The following TES variants were observed in gnomAD, a reference collection of about 807,000 sequenced individuals.
The protein encoded by TES is testin.
A neutral mutation model predicts 48.2 loss-of-function variants in TES; 41 were observed. The observed-to-expected ratio is 0.85, with a 90% CI of 0.66 to 1.10. The LOEUF (loss-of-function observed/expected upper bound fraction) is 1.10, where lower values mean the gene tolerates loss of function less well. TES is among the 50% of genes least tolerant of loss of function. TES has a pLI of 0.00. For missense variants in TES, 463 were observed against 515.1 expected, an observed-to-expected ratio of 0.90 and a Z score of 0.98; for synonymous variants, 162 against 174.9, an observed-to-expected ratio of 0.93 and a Z score of 0.58.
chr7:116,238,466 T>G (rs1044656955), intron 2 of TES: 2 of 149,882 alleles, frequency 1.3e-5, no homozygotes, highest in Admixed American at 1.3e-4. Context: ...ATAATATAAT[T>G]TGTGAATGAT....
chr7:116,254,121 T>C (rs1471236396), intron 6 of TES, among the ~76,000 whole-genome samples: 2 of 152,186 alleles, frequency 1.3e-5, no homozygotes, highest in Admixed American at 6.5e-5. Flanking sequence ...ATGAATATTG[T>C]TGCAACAGTT....
chr7:116,222,863 G>A (rs967622189), intron 1 of TES: 4 of 493,288 alleles, frequency 8.1e-6, no homozygotes, highest in African/African-American at 2.1e-5. Flanking sequence ...GTCTTTCAGC[G>A]GAGCCAGAGC....
intron 2 of TES, 31 bp downstream of exon 2, chr7:116,234,650 T>C (rs767359335): frequency 6.4e-7 from 1 of 1,565,212 alleles, no homozygotes; most frequent in Non-Finnish European, 8.8e-7. Context: ...ACCACATTAG[T>C]AATTTATACT....
chr7:116,230,111 G>GA (rs1273962199), intron 1 of TES, among the ~76,000 whole-genome samples: 2 of 152,124 alleles, frequency 1.3e-5, no homozygotes, highest in Non-Finnish European at 2.9e-5. Context: ...AAGTGATTTT[G>GA]AAAACTTGGT....
chr7:116,236,649 G>C (rs557802090), intron 2 of TES, among the ~76,000 whole-genome samples: 1 of 152,096 alleles, frequency 6.6e-6, no homozygotes, highest in African/African-American at 2.4e-5. Flanking sequence ...AAAACCGCTC[G>C]TGAGATTTTA....
At chr7:116,237,132 G>A (rs1306254932) in intron 2 of TES, among the ~76,000 whole-genome samples, 3 of 152,098 alleles carry the variant, frequency 2.0e-5, no homozygotes, top group Non-Finnish European at 4.4e-5. Flanking sequence ...AAAGATTCCA[G>A]GTCTAGTCTA....
Position 116,247,416 on chromosome 7 carries a change from ATTAT to A in TES, c.114-1597_114-1594del, listed in dbSNP as rs200523719. ...GGTTTTATTTAATTCATTTCTTTTTATTATTTATTTTATTCACTATTGGGTGACA... is the reference window on the plus strand; with the variant it reads ...GGTTTTATTTAATTCATTTCTTTTTATTATTTTATTCACTATTGGGTGACA... On this transcript the variant is annotated intron_variant, in intron 2 of 6. Transcript: ENST00000358204. Among the ~76,000 whole-genome samples, 726 of 152,168 alleles carry A rather than the reference ATTAT, an allele frequency of 4.8e-3. 4 individuals carry two copies. The highest frequency in any genetic ancestry group is 0.017 in the African/African-American group (698 of 41,520).
At chr7:116,227,093 TTTATTTATTTA>T (rs1000991603) in intron 1 of TES, among the ~76,000 whole-genome samples, 8 of 3,858 alleles carry the variant, frequency 2.1e-3, no homozygotes, top group African/African-American at 3.2e-3. Flanking sequence ...TTTTATTTTA[TTTATTTATTTA>T]TTTATTTATT....
rs1799424106 is a variant in TES at position 116,210,657 on chromosome 7, G to C, written c.-51G>C. 3 of 1,301,426 alleles carry C rather than the reference G, an allele frequency of 2.3e-6. No homozygotes were observed. The highest frequency in any genetic ancestry group is 3.0e-6 in the Non-Finnish European group (3 of 1,013,954). 80.6% of individuals were successfully genotyped at this position (1,301,426 alleles called of 1,614,324 possible). On this transcript the variant is annotated 5_prime_UTR_variant, in exon 1 of 7. Coordinates refer to ENST00000358204, the MANE Select transcript of TES (RefSeq NM_015641.4). ...GCGGAGCCGGAGGCCAGCTGAACCC[G>C]GCCGTGGGATCCCGGATAGGAGGAG... is the stretch of plus-strand genomic sequence containing the variant.
At chr7:116,250,098 G>A (rs1799980723) in intron 3 of TES, 63 bp from the exon 4 acceptor site, 4 of 1,400,470 alleles carry the variant, frequency 2.9e-6, no homozygotes, top group Admixed American at 2.7e-5. Flanking sequence ...TCTGATGTGT[G>A]TTATGAAACA....
At chr7:116,231,199 T>G (rs1239435429) in intron 1 of TES, among the ~76,000 whole-genome samples, 1 of 152,182 alleles carries the variant, frequency 6.6e-6, no homozygotes, top group Non-Finnish European at 1.5e-5. Context: ...GATTCTATTT[T>G]CCTGATCTCT....
Position 116,257,523 on chromosome 7 carries a change from G to C in TES, c.*41G>C, listed in dbSNP as rs1800119896. On this transcript the variant is annotated 3_prime_UTR_variant, in exon 7 of 7. Coordinates refer to ENST00000358204, the MANE Select transcript of TES (RefSeq NM_015641.4). ...AAGTATCGAGCCATAGCTATCCAAA[G>C]TGGTCTGCATTTCTACTGTAAAATG... 3.5e-6 allele frequency: 5 copies of C among 1,439,044 alleles called. No homozygotes were observed. In the East Asian group the frequency reaches 1.3e-4, roughly 36 times the overall value. 89.1% of individuals were successfully genotyped at this position (1,439,044 alleles called of 1,614,324 possible).
chr7:116,251,545 T>C (rs950370828), intron 4 of TES: 3 of 498,480 alleles, frequency 6.0e-6, no homozygotes, highest in South Asian at 4.3e-5. Context: ...TAGCCGGGCG[T>C]GGTGGCAGGC....
At chr7:116,223,179 A>G (rs921989213) in intron 1 of TES, among the ~76,000 whole-genome samples, 1 of 152,122 alleles carries the variant, frequency 6.6e-6, no homozygotes, top group Non-Finnish European at 1.5e-5. Flanking sequence ...AACCTTTTTT[A>G]TTTTTTAAAA....
intron 1 of TES, chr7:116,222,923 A>AT: frequency 1.0e-6 from 1 of 966,664 alleles, no homozygotes; most frequent in Non-Finnish European, 1.2e-6. Context: ...ATTGCTTATT[A>AT]TAATAATTGT....
intron 6 of TES, 129 bp downstream of exon 6, chr7:116,252,605 C>G (rs1256488784): frequency 1.5e-6 from 2 of 1,306,158 alleles, no homozygotes; most frequent in Non-Finnish European, 2.2e-6. Flanking sequence ...TTATTCCTAC[C>G]ACAGGGTGTT....
chr7:116,215,274 G>A (rs774216034), intron 1 of TES, among the ~76,000 whole-genome samples: 1 of 152,092 alleles, frequency 6.6e-6, no homozygotes, highest in Non-Finnish European at 1.5e-5. Context: ...CTAAATATAT[G>A]TGGAATGATA....
intron 1 of TES, among the ~76,000 whole-genome samples, chr7:116,220,175 T>G (rs576235212): frequency 6.6e-6 from 1 of 152,292 alleles, no homozygotes; most frequent in South Asian, 2.1e-4. Context: ...AGACTCTATC[T>G]TTGGTAATGG....
chr7:116,242,052 T>C (rs1240202937), intron 2 of TES, among the ~76,000 whole-genome samples: 2 of 152,218 alleles, frequency 1.3e-5, no homozygotes, highest in Admixed American at 6.5e-5. Context: ...TTTTGTGGTA[T>C]TCATGTTGTA....
Sources: gnomAD v4.1 joint callset for allele counts (sites outside exome capture counted in the v4.1 genomes callset) on GRCh38, gnomAD v4.1.1 for gene constraint, MANE v1.5 for transcripts, NCBI Gene and HGNC (gene_info 2026-07-23, HGNC 2026-07-21) for gene names.